The following ZNF37A variants were observed in gnomAD, a reference collection of about 807,000 sequenced individuals.
ZNF37A encodes the protein zinc finger protein 37A, also known as zinc finger protein 37a (KOX 21).
A neutral mutation model predicts 12.3 loss-of-function variants in ZNF37A; 10 were observed. The observed-to-expected ratio is 0.82, with a 90% CI of 0.50 to 1.38. ZNF37A has a LOEUF of 1.38. ZNF37A is among the 40% of genes most tolerant of loss of function. The pLI is 0.00. For missense variants in ZNF37A, 580 were observed against 651.2 expected, an observed-to-expected ratio of 0.89 and a Z score of 1.19; for synonymous variants, 207 against 223.0, an observed-to-expected ratio of 0.93 and a Z score of 0.64.
chr10:38,125,091 A>G (rs998655036), downstream of ZNF37A: 4 of 152,244 alleles, frequency 2.6e-5, no homozygotes, highest in African/African-American at 4.8e-5. Flanking sequence ...AAATTTTTGT[A>G]GGTTTGAGTT....
chr10:38,128,856 C>T (rs564258310), downstream of ZNF37A, among the ~76,000 whole-genome samples: 9 of 152,250 alleles, frequency 5.9e-5, no homozygotes, highest in South Asian at 4.1e-4. Flanking sequence ...CGGGTTCAAG[C>T]GATTCTCCTG....
rs2069371614 is a variant in ZNF37A, at chr10:38,117,557, C to T, written c.406C>T (p.His136Tyr). The T allele has an allele frequency of 1.2e-6, 2 of 1,613,128 alleles. No homozygotes were observed. Among genetic ancestry groups the T allele is most frequent in the Non-Finnish European group, 8.5e-7 (1 of 1,179,810 alleles). ...SFWLNEDLIW[H>Y]QKIKNWEQSF... ...CTGGCTGAATGAAGACCTCATTTGG[C>T]ATCAGAAAATTAAAAATTGGGAACA... The change falls in exon 8 of 8, where the codon CAT (histidine) becomes TAT (tyrosine). Residue 136 changes from histidine (H) to tyrosine (Y), a missense_variant. Physicochemically the swap from His to Tyr is moderately conservative, Grantham distance 83. Transcript: ENST00000685332.
At chr10:38,099,155 A>G (rs945573369) in intron 5 of ZNF37A, among the ~76,000 whole-genome samples, 6 of 152,180 alleles carry the variant, frequency 3.9e-5, no homozygotes, top group African/African-American at 1.4e-4. Context: ...TAGCAATCTT[A>G]ACCATTTTGG....
chr10:38,102,396 A>G lies in ZNF37A; in HGVS notation c.15+5764A>G, dbSNP rs1389961514. Among the ~76,000 whole-genome samples, 4 of 152,224 alleles carry G rather than the reference A, an allele frequency of 2.6e-5. No homozygotes were observed. In the South Asian group the frequency reaches 6.2e-4, roughly 24 times the overall value. ...TAACATCTTGAATTTATAACAATCT[A>G]GCTTGCATTAATACCAACTAAGCCT... On this transcript the variant is annotated intron_variant, in intron 5 of 7. Transcript: ENST00000685332.
chr10:38,116,064 T>C (rs1383493365), intron 7 of ZNF37A, among the ~76,000 whole-genome samples: 1 of 152,116 alleles, frequency 6.6e-6, no homozygotes, highest in African/African-American at 2.4e-5. Flanking sequence ...AGCAAGATTC[T>C]GTCTCTAAAA....
At chr10:38,104,968 T>C (rs963189230) in intron 5 of ZNF37A, among the ~76,000 whole-genome samples, 1 of 152,070 alleles carries the variant, frequency 6.6e-6, no homozygotes, top group Non-Finnish European at 1.5e-5. Context: ...TCCACAATAT[T>C]TATTTGCTCC....
chr10:38,137,455 G>A (rs1437032644), intron 7 of ZNF37A: 2 of 152,204 alleles, frequency 1.3e-5, no homozygotes, highest in Non-Finnish European at 2.9e-5. Flanking sequence ...AAAAACAGGT[G>A]TATCCCTTTT....
chr10:38,096,260 T>A (rs1259887580), intron 4 of ZNF37A, among the ~76,000 whole-genome samples: 1 of 152,214 alleles, frequency 6.6e-6, no homozygotes, highest in Non-Finnish European at 1.5e-5. Context: ...GTAATAAAGA[T>A]TAAAACCTGA....
Position 38,118,639 on chromosome 10 carries a change from A to C in ZNF37A, c.1488A>C (p.Gly496=). The C allele has an allele frequency of 6.2e-7, 1 of 1,613,602 alleles. No individual in the cohort carries two copies. Among genetic ancestry groups the C allele is most frequent in the Non-Finnish European group, 8.5e-7 (1 of 1,179,848 alleles). ...QRTHIRQKPY[G]CNQCGKSFCV... is the part of the protein sequence containing the mutation. ...CTCATATAAGACAGAAACCCTATGG[A>C]TGTAATCAATGTGGAAAATCATTCT... The change falls in exon 8 of 8, where the codon GGA becomes GGC. Residue 496 remains glycine (G), a synonymous_variant. Transcript: ENST00000685332.
chr10:38,127,098 A>G (rs575099389), downstream of ZNF37A, among the ~76,000 whole-genome samples: 16 of 152,302 alleles, frequency 1.1e-4, no homozygotes, highest in South Asian at 3.1e-3. Context: ...CAAATAATTC[A>G]TATGATGGTA....
At chr10:38,108,398 G>C (rs2068324730) in intron 5 of ZNF37A, among the ~76,000 whole-genome samples, 1 of 152,116 alleles carries the variant, frequency 6.6e-6, no homozygotes, top group African/African-American at 2.4e-5. Context: ...CAGAAAGTAG[G>C]AAAGATCTAA....
downstream of ZNF37A, among the ~76,000 whole-genome samples, chr10:38,128,371 G>GCAC (rs1442904915): frequency 6.6e-6 from 1 of 152,026 alleles, no homozygotes; most frequent in African/African-American, 2.4e-5. Context: ...TTAAGTAATT[G>GCAC]CACACATCTG....
rs1213821873 is a variant in ZNF37A at position 38,119,142 on chromosome 10, C to G, written c.*305C>G. On this transcript the variant is annotated 3_prime_UTR_variant, in exon 8 of 8. Coordinates refer to ENST00000685332, the MANE Select transcript of ZNF37A (RefSeq NM_001324250.3). The stretch of plus-strand genomic sequence containing the variant: ...CGGGGTGAAACCTGGGTCAGCATCC[C>G]TAGGTTGAGAAGGGATGCATTTTTC... 1.9e-6 allele frequency: 2 copies of G among 1,057,628 alleles called. No homozygotes were observed. Among genetic ancestry groups the G allele is most frequent in the African/African-American group, 3.4e-5 (2 of 59,256 alleles). The allele number at this position is 1,057,628 out of a possible 1,614,324, so 65.5% of individuals were successfully genotyped here. A position where few individuals can be genotyped will look rare whatever the true frequency, so the allele number is the denominator to read the frequency against.
rs1293893217 is a variant in ZNF37A, at chr10:38,122,453, A to G, written c.*3616A>G. 2 of 152,262 alleles carry G rather than the reference A, an allele frequency of 1.3e-5. No homozygotes were observed. Among genetic ancestry groups the G allele is most frequent in the Admixed American group, 1.3e-4 (2 of 15,286 alleles). The allele number at this position is 152,262 out of a possible 1,614,324, so 9.4% of individuals were successfully genotyped here. ...ACTTCCAATTATTCAACAGAGCTAC[A>G]GTAACCAAAACAGCATGATACTGGC... is the stretch of plus-strand genomic sequence containing the variant. On this transcript the variant is annotated 3_prime_UTR_variant, in exon 8 of 8. Transcript: ENST00000685332.
intron 5 of ZNF37A, among the ~76,000 whole-genome samples, chr10:38,100,065 C>T (rs1292565337): frequency 1.3e-5 from 2 of 152,108 alleles, no homozygotes; most frequent in Admixed American, 6.6e-5. Flanking sequence ...GGAGACATCA[C>T]ATGTCGGTAG....
intron 6 of ZNF37A, 83 bp from the exon 7 acceptor site, chr10:38,115,112 T>C (rs1400528592): frequency 9.7e-7 from 1 of 1,030,350 alleles, no homozygotes; most frequent in Non-Finnish European, 1.4e-6. Flanking sequence ...TGTGTGTGTG[T>C]GTGTACTGTT....
chr10:38,134,240 T>C (rs1027095779), intron 7 of ZNF37A, among the ~76,000 whole-genome samples: 26 of 152,324 alleles, frequency 1.7e-4, no homozygotes, highest in South Asian at 4.1e-4. Flanking sequence ...ACATCCTCCT[T>C]TAGCTCAGAG....
In ZNF37A at chr10:38,119,307, T is replaced by C. The variant is rs1297859032; in HGVS notation, c.*470T>C. On this transcript the variant is annotated 3_prime_UTR_variant, in exon 8 of 8. Coordinates refer to ENST00000685332, the MANE Select transcript of ZNF37A (RefSeq NM_001324250.3). ...GAACTCATATAAGACAGAAACCCTA[T>C]GGGTGTAATGAATGTGGAAAATCAT... 9.7e-7 allele frequency: 1 copy of C among 1,034,382 alleles called. No individual in the cohort carries two copies. Among genetic ancestry groups the C allele is most frequent in the South Asian group, 4.1e-5 (1 of 24,656 alleles). The allele number at this position is 1,034,382 out of a possible 1,614,324, so 64.1% of individuals were successfully genotyped here. A position where few individuals can be genotyped will look rare whatever the true frequency, so the allele number is the denominator to read the frequency against.
chr10:38,149,549 C>T (rs1427541632), exon 8 of ZNF37A: 1 of 150,154 alleles, frequency 6.7e-6, no homozygotes, highest in East Asian at 1.9e-4. Flanking sequence ...CTTTTGACAC[C>T]TTCCAACATT....
Sources: allele counts gnomAD v4.1 joint callset (sites outside exome capture counted in the v4.1 genomes callset), GRCh38; gene constraint gnomAD v4.1.1; transcripts MANE v1.5; gene names NCBI Gene and HGNC (gene_info 2026-07-23, HGNC 2026-07-21).